Variants in PARP15 observed in about 807,000 individuals in gnomAD.
PARP15 encodes protein mono-ADP-ribosyltransferase PARP15.
PARP15 carries 50 observed loss-of-function variants against 62.1 expected under a neutral mutation model. The observed-to-expected ratio is 0.81, with a 90% CI of 0.64 to 1.02. PARP15 has a LOEUF of 1.02. Ranked by LOEUF, PARP15 falls within the 50% of genes least tolerant of loss-of-function variation. The probability of loss-of-function intolerance (pLI) is 0.00; values close to 1 mark genes in which losing one functional copy is unlikely to be tolerated. For missense variants in PARP15, 820 were observed against 826.5 expected (o/e 0.99, Z 0.10); for synonymous variants, 309 against 293.1 (o/e 1.05, Z -0.55).
At chr3:122,616,356 G>A (rs980465778) in intron 5 of PARP15, among the ~76,000 whole-genome samples, 5 of 141,724 alleles carry the variant, frequency 3.5e-5, no homozygotes, top group African/African-American at 5.3e-5. Context: ...TTGAGATGGA[G>A]TCTTGCTCTG....
intron 8 of PARP15, among the ~76,000 whole-genome samples, chr3:122,624,190 T>G (rs750491766): frequency 5.3e-5 from 8 of 152,068 alleles, no homozygotes; most frequent in Non-Finnish European, 1.2e-4. Context: ...AAATGCTTAC[T>G]AGACGCAGTC....
chr3:122,594,934 A>C, intron 1 of PARP15: 1 of 904,428 alleles, frequency 1.1e-6, no homozygotes, highest in South Asian at 5.0e-5. Flanking sequence ...ACCAATGTTC[A>C]GTATTTCCCA....
chr3:122,611,404 G>A (rs1237778913), intron 3 of PARP15, among the ~76,000 whole-genome samples: 1 of 150,152 alleles, frequency 6.7e-6, no homozygotes, highest in Non-Finnish European at 1.5e-5. Context: ...CGCCATCTCA[G>A]CTCATTGCAA....
chr3:122,621,906 C>G (rs1223972813), intron 8 of PARP15, among the ~76,000 whole-genome samples: 2 of 152,298 alleles, frequency 1.3e-5, no homozygotes, highest in African/African-American at 4.8e-5. Context: ...TCACGCAATC[C>G]TCCCACTTCA....
intron 1 of PARP15, among the ~76,000 whole-genome samples, chr3:122,578,710 A>G (rs2080736891): frequency 6.6e-6 from 1 of 151,802 alleles, no homozygotes. Context: ...TTTCCTTATG[A>G]ACTTTTCTGA....
At chr3:122,601,288 T>C (rs1226899799) in intron 1 of PARP15, among the ~76,000 whole-genome samples, 1 of 152,162 alleles carries the variant, frequency 6.6e-6, no homozygotes, top group African/African-American at 2.4e-5. Context: ...CCTCCCAAAG[T>C]TACAGGCATG....
At chr3:122,587,438 C>T (rs1483310643) in intron 1 of PARP15, among the ~76,000 whole-genome samples, 1 of 152,224 alleles carries the variant, frequency 6.6e-6, no homozygotes, top group Non-Finnish European at 1.5e-5. Context: ...TCCTGTTGCT[C>T]CACATCCTTG....
At chr3:122,595,562 G>T (rs1340351265) in intron 1 of PARP15, among the ~76,000 whole-genome samples, 3 of 152,134 alleles carry the variant, frequency 2.0e-5, no homozygotes, top group Non-Finnish European at 4.4e-5. Context: ...TTGTTGGTTT[G>T]TTTTGAGACT....
At chr3:122,628,807 G>A (rs933775476) in intron 9 of PARP15, among the ~76,000 whole-genome samples, 13 of 152,156 alleles carry the variant, frequency 8.5e-5, no homozygotes, top group African/African-American at 3.1e-4. Flanking sequence ...TGTTGTTAGA[G>A]AAAAGGAATA....
intron 1 of PARP15, among the ~76,000 whole-genome samples, chr3:122,593,732 C>T (rs776144300): frequency 7.2e-5 from 11 of 152,088 alleles, no homozygotes; most frequent in Admixed American, 1.3e-4. Flanking sequence ...CAGCCTTTCC[C>T]AGCCCCACCT....
intron 9 of PARP15, among the ~76,000 whole-genome samples, chr3:122,631,456 C>G (rs1010467104): frequency 6.6e-5 from 10 of 152,146 alleles, no homozygotes; most frequent in Admixed American, 1.3e-4. Flanking sequence ...TGGTGTATCT[C>G]TAATGCAGGG....
intron 1 of PARP15, among the ~76,000 whole-genome samples, chr3:122,582,329 G>A (rs186274189): frequency 1.0e-3 from 158 of 152,050 alleles, no homozygotes; most frequent in African/African-American, 3.6e-3. Flanking sequence ...GCACCATCTT[G>A]GCATTCAGCT....
intron 1 of PARP15, among the ~76,000 whole-genome samples, chr3:122,587,957 T>TA (rs1342584294): frequency 6.6e-6 from 1 of 152,224 alleles, no homozygotes; most frequent in African/African-American, 2.4e-5. Flanking sequence ...TGGTGTTTTT[T>TA]AAAAAAATTG....
intron 3 of PARP15, among the ~76,000 whole-genome samples, chr3:122,611,353 A>G (rs2107536637): frequency 6.6e-6 from 1 of 152,248 alleles, no homozygotes; most frequent in Non-Finnish European, 1.5e-5. Context: ...TCTTTTTGAG[A>G]CCGAGTTTCG....
chr3:122,590,207 A>C (rs1023965937), intron 1 of PARP15, among the ~76,000 whole-genome samples: 1 of 150,430 alleles, frequency 6.6e-6, no homozygotes, highest in Non-Finnish European at 1.5e-5. Flanking sequence ...ACTTTTTATC[A>C]TTTTCATTTC....
At position 122,592,425 on chromosome 3, in the gene PARP15, A is replaced by G. The variant is rs185163550; in HGVS notation, c.187-13511A>G. 2.6e-3 allele frequency among the ~76,000 whole-genome samples: 390 copies of G among 152,186 alleles called. 2 individuals are homozygous for G. The highest frequency in any genetic ancestry group is 8.9e-3 in the African/African-American group (370 of 41,540). On this transcript the variant is annotated intron_variant, in intron 1 of 11. Coordinates refer to ENST00000464300, the MANE Select transcript of PARP15 (RefSeq NM_001113523.3). ...GAATACAGGGAAGGGAACAGCACAC[A>G]CTGGGGCCTGTCTGGGAGTGAGGTG...
intron 3 of PARP15, among the ~76,000 whole-genome samples, chr3:122,612,137 C>T (rs575475639): frequency 6.6e-6 from 1 of 151,986 alleles, no homozygotes; most frequent in South Asian, 2.1e-4. Flanking sequence ...CTCACTGCAA[C>T]CTCCACCTCC....
intron 8 of PARP15, among the ~76,000 whole-genome samples, chr3:122,621,853 C>A (rs1936371678): frequency 6.6e-6 from 1 of 152,154 alleles, no homozygotes; most frequent in African/African-American, 2.4e-5. Context: ...GGCTGGAGTG[C>A]AGTGGTGTAA....
chr3:122,604,626 G>A (rs1464816281), intron 1 of PARP15, among the ~76,000 whole-genome samples: 2 of 151,480 alleles, frequency 1.3e-5, no homozygotes, highest in Admixed American at 1.3e-4. Context: ...AGGCTGAGGC[G>A]GGCAGATCAC....
Sources: gnomAD v4.1 joint callset for allele counts (sites outside exome capture counted in the v4.1 genomes callset) on GRCh38, gnomAD v4.1.1 for gene constraint, MANE v1.5 for transcripts, NCBI Gene and HGNC (gene_info 2026-07-23, HGNC 2026-07-21) for gene names.